The following SMKR1 variants were observed in gnomAD, a reference collection of about 807,000 sequenced individuals.
SMKR1 encodes the protein small lysine-rich protein 1.
Under a neutral mutation model 4.0 loss-of-function variants are expected in SMKR1, and 4 were observed. The ratio of observed to expected loss-of-function variants is 1.00; its 90% CI spans 0.49 to 2.30. The LOEUF (loss-of-function observed/expected upper bound fraction) is 2.30. Among genes scored for constraint, SMKR1 ranks in the 30% most tolerant of loss-of-function variants. The probability of loss-of-function intolerance (pLI) is 0.02; values close to 1 mark genes in which losing one functional copy is unlikely to be tolerated. For synonymous variants in SMKR1, 38 were observed against 32.5 expected, an observed-to-expected ratio of 1.17 and a Z score of -0.58; for missense variants, 56 against 81.8, an observed-to-expected ratio of 0.68 and a Z score of 1.22.
chr7:129,509,205 C>T (rs547741814), intron 1 of SMKR1, among the ~76,000 whole-genome samples: 10 of 152,024 alleles, frequency 6.6e-5, no homozygotes, highest in Non-Finnish European at 1.3e-4. Flanking sequence ...GCCAGCTATT[C>T]GGGAGGCTGA....
chr7:129,512,266 G>A lies in SMKR1; in HGVS notation c.23G>A (p.Gly8Glu), dbSNP rs866036720. ...TGAAAGCCAGCTAAAGGGAAAAAAG[G>A]AAAAGGCCAGGGCAAGTCTCATGGG... Reference protein sequence around the residue: MPAKGKKGKGQGKSHGKK... With the variant: MPAKGKKEKGQGKSHGKK... Residue 8 changes from glycine to glutamate, a missense_variant, in exon 2 of 2, where the codon GGA becomes GAA. Coordinates refer to ENST00000462322, the MANE Select transcript of SMKR1 (RefSeq NM_001195243.2). The A allele has an allele frequency of 1.3e-6, 2 of 1,514,122 alleles. No individual in the cohort carries two copies. The highest frequency in any genetic ancestry group is 8.8e-7 in the Non-Finnish European group (1 of 1,141,484). The allele number at this position is 1,514,122 out of a possible 1,614,324, so 93.8% of individuals were successfully genotyped here.
intron 1 of SMKR1, among the ~76,000 whole-genome samples, chr7:129,511,320 A>C (rs1278873325): frequency 6.6e-6 from 1 of 152,248 alleles, no homozygotes; most frequent in Non-Finnish European, 1.5e-5. Flanking sequence ...AGATTCAGAA[A>C]TAATTAGGAT....
intron 1 of SMKR1, among the ~76,000 whole-genome samples, chr7:129,508,116 G>A (rs374052636): frequency 2.6e-5 from 4 of 152,076 alleles, no homozygotes; most frequent in African/African-American, 7.2e-5. Context: ...CTATTTTCTT[G>A]TAGAAGTATT....
Position 129,502,840 on chromosome 7 carries a change from T to C in SMKR1, c.3+13T>C. ...GAGAATCGCCATGGTAATCCCCGTC[T>C]CCCTAAAGTACCCGGGGCCAGGGCG... On this transcript the variant is annotated intron_variant, in intron 1 of 1. Coordinates refer to ENST00000462322, the MANE Select transcript of SMKR1 (RefSeq NM_001195243.2). 6.5e-7 allele frequency: 1 copy of C among 1,534,740 alleles called. No individual in the cohort carries two copies. The highest frequency in any genetic ancestry group is 1.2e-5 in the South Asian group (1 of 84,046).
Position 129,512,508 on chromosome 7 carries a change from A to G in SMKR1, c.*67A>G, listed in dbSNP as rs535795206. ...GGGGAAGAGAAGTCAGGATAACACAACTGTTGCCAGCAACATAGACTTTAC... is the reference window on the plus strand; with the variant it reads ...GGGGAAGAGAAGTCAGGATAACACAGCTGTTGCCAGCAACATAGACTTTAC... On this transcript the variant is annotated 3_prime_UTR_variant, in exon 2 of 2. Coordinates refer to ENST00000462322, the MANE Select transcript of SMKR1 (RefSeq NM_001195243.2). 1.8e-5 allele frequency: 26 copies of G among 1,415,326 alleles called. No individual in the cohort carries two copies. The South Asian group carries it at 1.9e-4, about 10-fold the overall frequency. The allele number at this position is 1,415,326 out of a possible 1,614,324, so 87.7% of individuals were successfully genotyped here.
chr7:129,510,766 G>C (rs1435436532), intron 1 of SMKR1, among the ~76,000 whole-genome samples: 1 of 151,984 alleles, frequency 6.6e-6, no homozygotes, highest in Non-Finnish European at 1.5e-5. Context: ...CATTTATTGA[G>C]TATTTGTCTC....
chr7:129,504,227 A>G (rs1010780800), intron 1 of SMKR1, among the ~76,000 whole-genome samples: 1 of 152,234 alleles, frequency 6.6e-6, no homozygotes, highest in Admixed American at 6.5e-5. Context: ...ATGAGGGTCA[A>G]ACACATTAGT....
In SMKR1 at chr7:129,512,523, A is replaced by C; in HGVS notation, c.*82A>C. ...GGATAACACAACTGTTGCCAGCAAC[A>C]TAGACTTTACTCCAGACGACTTGAG... On this transcript the variant is annotated 3_prime_UTR_variant, in exon 2 of 2. Coordinates refer to ENST00000462322, the MANE Select transcript of SMKR1 (RefSeq NM_001195243.2). 1 of 1,359,450 alleles carries C rather than the reference A, an allele frequency of 7.4e-7. No individual in the cohort carries two copies. The highest frequency in any genetic ancestry group is 1.5e-5 in the South Asian group (1 of 64,880). The allele number at this position is 1,359,450 out of a possible 1,614,324, so 84.2% of individuals were successfully genotyped here. A position where few individuals can be genotyped will look rare whatever the true frequency, so the allele number is the denominator to read the frequency against.
At chr7:129,506,859 C>CTTTTCTT (rs1166189473) in intron 1 of SMKR1, among the ~76,000 whole-genome samples, 2,582 of 91,404 alleles carry the variant, frequency 0.028, 78 homozygotes, top group African/African-American at 0.094. Context: ...TTCTTTCTTT[C>CTTTTCTT]TTTTCTTTTT....
At position 129,502,638 on chromosome 7, in the gene SMKR1, C is replaced by T; in HGVS notation, c.-187C>T. The T allele has an allele frequency of 1.2e-6, 1 of 826,496 alleles. No homozygotes were observed. The highest frequency in any genetic ancestry group is 1.8e-6 in the Non-Finnish European group (1 of 570,540). The allele number at this position is 826,496 out of a possible 1,614,324, so 51.2% of individuals were successfully genotyped here. ...GGCTGGCTGCCTCCCGAGCCGGCCG[C>T]GCTCCTCCCAGCGAGGCGTGGCGGG... On this transcript the variant is annotated 5_prime_UTR_variant, in exon 1 of 2. Coordinates refer to ENST00000462322, the MANE Select transcript of SMKR1 (RefSeq NM_001195243.2).
At chr7:129,505,728 G>A (rs1266633534) in intron 1 of SMKR1, among the ~76,000 whole-genome samples, 1 of 151,926 alleles carries the variant, frequency 6.6e-6, no homozygotes, top group Non-Finnish European at 1.5e-5. Context: ...ATGATCCACC[G>A]GCCTCGGCCT....
chr7:129,505,084 T>C (rs1799451331), intron 1 of SMKR1, among the ~76,000 whole-genome samples: 2 of 152,254 alleles, frequency 1.3e-5, no homozygotes, highest in Non-Finnish European at 2.9e-5. Context: ...AATCCTGTTA[T>C]TGCATTGCAT....
At chr7:129,509,257 G>T (rs570610331) in intron 1 of SMKR1, among the ~76,000 whole-genome samples, 203 of 152,246 alleles carry the variant, frequency 1.3e-3, no homozygotes, top group Non-Finnish European at 2.4e-3. Context: ...AGGTTGCAGT[G>T]AGCCAATATC....
intron 1 of SMKR1, among the ~76,000 whole-genome samples, chr7:129,504,761 C>T (rs1416434112): frequency 6.6e-6 from 1 of 152,158 alleles, no homozygotes; most frequent in African/African-American, 2.4e-5. Context: ...GCCATCTTTC[C>T]CAGACTGGTC....
intron 1 of SMKR1, among the ~76,000 whole-genome samples, chr7:129,511,188 T>G (rs1004750665): frequency 2.0e-5 from 3 of 152,262 alleles, no homozygotes; most frequent in Admixed American, 2.0e-4. Flanking sequence ...GTAAAACAAG[T>G]GCCAACATAC....
At chr7:129,504,058 G>T (rs1453268023) in intron 1 of SMKR1, among the ~76,000 whole-genome samples, 1 of 151,976 alleles carries the variant, frequency 6.6e-6, no homozygotes, top group East Asian at 1.9e-4. Flanking sequence ...AAACGCCTGG[G>T]CTCAAGGGAT....
intron 1 of SMKR1, among the ~76,000 whole-genome samples, chr7:129,511,704 A>G (rs1799528719): frequency 6.6e-6 from 1 of 152,214 alleles, no homozygotes; most frequent in African/African-American, 2.4e-5. Flanking sequence ...GGTCAGAATT[A>G]AACTTTGCTC....
chr7:129,505,087 C>G (rs2151027147), intron 1 of SMKR1, among the ~76,000 whole-genome samples: 2 of 152,338 alleles, frequency 1.3e-5, no homozygotes, highest in Non-Finnish European at 2.9e-5. Flanking sequence ...CCTGTTATTG[C>G]ATTGCATCTC....
Position 129,510,611 on chromosome 7 carries a change from C to T in SMKR1, c.4-1636C>T, listed in dbSNP as rs180975684. ...GAAATGGTGGCTAATGCCTGTGGTC[C>T]CAGCTACTTGGGCGGCTGAGGTGAG... On this transcript the variant is annotated intron_variant, in intron 1 of 1. Transcript: ENST00000462322. Among the ~76,000 whole-genome samples the T allele has an allele frequency of 1.1e-4, 16 of 152,230 alleles. No individual in the cohort carries two copies. The East Asian group carries it at 3.1e-3, about 29-fold the overall frequency.
Sources: allele counts gnomAD v4.1 joint callset (sites outside exome capture counted in the v4.1 genomes callset), GRCh38; gene constraint gnomAD v4.1.1; transcripts MANE v1.5; gene names NCBI Gene and HGNC (gene_info 2026-07-23, HGNC 2026-07-21).